AMD1: variants seen among roughly 807,000 people sequenced by gnomAD.
AMD1 encodes the protein S-adenosylmethionine decarboxylase proenzyme.
A neutral mutation model predicts 40.2 loss-of-function variants in AMD1; 11 were observed. The observed-to-expected ratio is 0.27, with a 90% CI of 0.17 to 0.45. The LOEUF (loss-of-function observed/expected upper bound fraction) is 0.45, where lower values mean the gene tolerates loss of function less well. Ranked by LOEUF, AMD1 falls within the 20% of genes least tolerant of loss-of-function variation. AMD1 has a pLI of 1.00. For synonymous variants in AMD1, 121 were observed against 130.8 expected (o/e 0.93, Z 0.51); for missense variants, 257 against 410.2 (o/e 0.63, Z 3.23).
rs1474545141 is a variant in AMD1, at chr6:110,892,821, A to G, written c.702A>G (p.Lys234=). 6.2e-7 allele frequency: 1 copy of G among 1,614,026 alleles called. No individual in the cohort carries two copies. Among genetic ancestry groups the G allele is most frequent in the East Asian group, 2.2e-5 (1 of 44,898 alleles). ...NPCGYSMNGM[K]SDGTYWTIHI... ...GTGGGTATTCGATGAATGGAATGAAATCGGATGTGAGTAGTTATATATTGC... is the reference window on the plus strand; with the variant it reads ...GTGGGTATTCGATGAATGGAATGAAGTCGGATGTGAGTAGTTATATATTGC... The change falls in exon 7 of 9, where the codon AAA becomes AAG. Residue 234 remains lysine, a synonymous_variant. Coordinates refer to ENST00000368885, the MANE Select transcript of AMD1 (RefSeq NM_001634.6).
Position 110,893,520 on chromosome 6 carries a change from A to G in AMD1, c.909A>G (p.Glu303=), listed in dbSNP as rs1483028215. 4 of 1,614,006 alleles carry G rather than the reference A, an allele frequency of 2.5e-6. No individual in the cohort carries two copies. The highest frequency in any genetic ancestry group is 3.4e-6 in the Non-Finnish European group (4 of 1,179,886). ...RTVLASPQKI[E]GFKRLDCQSA... Reference sequence around the variant, plus strand: ...TGCTTGCTTCGCCCCAGAAGATTGAAGGTTTTAAGCGTCTTGATTGCCAGA... The same window carrying G: ...TGCTTGCTTCGCCCCAGAAGATTGAGGGTTTTAAGCGTCTTGATTGCCAGA... Residue 303 remains glutamate (E), a synonymous_variant, in exon 9 of 9, where the codon GAA becomes GAG. Coordinates refer to ENST00000368885, the MANE Select transcript of AMD1 (RefSeq NM_001634.6).
chr6:110,815,279 G>C, the AMD1 span: 1 of 961,082 alleles, frequency 1.0e-6, no homozygotes, highest in South Asian at 2.6e-5. Context: ...CCGCCGCTCC[G>C]CGGTCCGCCT....
At chr6:110,857,654 TG>T in the AMD1 span, among the ~76,000 whole-genome samples, 2 of 140,706 alleles carry the variant, frequency 1.4e-5, no homozygotes, top group Non-Finnish European at 3.1e-5. Context: ...TATATATAGA[TG>T]GTATATATAT....
chr6:110,819,683 C>T, the AMD1 span, among the ~76,000 whole-genome samples: 23,980 of 152,138 alleles, frequency 0.16, 2,097 homozygotes, highest in East Asian at 0.32. Context: ...ACCACAGTGA[C>T]TCCATCTTGA....
rs1785005694 is a variant in AMD1 at position 110,874,810 on chromosome 6, T to C, written c.-296T>C. ...GCTTACACAGTATGGCCGGCGACAT[T>C]AGCTAGCGCTCGCTCTACTCTCTCT... On this transcript the variant is annotated 5_prime_UTR_variant, in exon 1 of 9. Coordinates refer to ENST00000368885, the MANE Select transcript of AMD1 (RefSeq NM_001634.6). 6.5e-6 allele frequency: 2 copies of C among 306,306 alleles called. No individual in the cohort carries two copies. Among genetic ancestry groups the C allele is most frequent in the African/African-American group, 2.2e-5 (1 of 45,622 alleles). The allele number at this position is 306,306 out of a possible 1,614,324, so 19.0% of individuals were successfully genotyped here.
At chr6:110,814,832 C>A in the AMD1 span, 8 of 826,016 alleles carry the variant, frequency 9.7e-6, no homozygotes, top group Non-Finnish European at 1.4e-5. Context: ...GACGGGGCCG[C>A]GCGGGGGAGG....
At chr6:110,848,604 A>G in the AMD1 span, 1 of 558,152 alleles carries the variant, frequency 1.8e-6, no homozygotes, top group Non-Finnish European at 2.9e-6. Context: ...AGGTGCAAAA[A>G]ATAAATCTTC....
At chr6:110,883,712 C>T (rs1785526747) in intron 1 of AMD1, among the ~76,000 whole-genome samples, 1 of 152,122 alleles carries the variant, frequency 6.6e-6, no homozygotes, top group African/African-American at 2.4e-5. Flanking sequence ...CCGCCGCAGC[C>T]ACCCAAGTAG....
chr6:110,820,112 G>A, the AMD1 span, among the ~76,000 whole-genome samples: 1 of 152,132 alleles, frequency 6.6e-6, no homozygotes, highest in African/African-American at 2.4e-5. Context: ...ATAACTGTAA[G>A]TATACTCAGT....
chr6:110,879,132 G>A (rs778677736), intron 1 of AMD1, among the ~76,000 whole-genome samples: 1 of 152,138 alleles, frequency 6.6e-6, no homozygotes, highest in Non-Finnish European at 1.5e-5. Context: ...AGACCAAGGA[G>A]TTTGAGAGCC....
At chr6:110,834,768 C>A in the AMD1 span, among the ~76,000 whole-genome samples, 1 of 151,764 alleles carries the variant, frequency 6.6e-6, no homozygotes, top group Non-Finnish European at 1.5e-5. Flanking sequence ...ACCATCCTGG[C>A]CAACGTGGTG....
At chr6:110,822,920 G>A in the AMD1 span, among the ~76,000 whole-genome samples, 342 of 152,096 alleles carry the variant, frequency 2.2e-3, 1 homozygote, top group African/African-American at 7.9e-3. Flanking sequence ...GTTCAAGACC[G>A]GCCTGACCAA....
At chr6:110,871,730 A>C (rs1021089227), upstream of AMD1, among the ~76,000 whole-genome samples, 1 of 152,152 alleles carries the variant, frequency 6.6e-6, no homozygotes, top group African/African-American at 2.4e-5. Flanking sequence ...CTTTTCTAAT[A>C]ATGTTAGCTT....
At chr6:110,860,630 C>T in the AMD1 span, among the ~76,000 whole-genome samples, 1 of 151,452 alleles carries the variant, frequency 6.6e-6, no homozygotes, top group Non-Finnish European at 1.5e-5. Context: ...GAAACCCCGT[C>T]TCTACTAAAA....
At chr6:110,875,247 G>C (rs777522934) in intron 1 of AMD1, 32 bp downstream of exon 1, 3 of 1,546,266 alleles carry the variant, frequency 1.9e-6, no homozygotes, top group Admixed American at 1.9e-5. Context: ...TGACATCCGG[G>C]CCTGGGGGCT....
chr6:110,868,085 A>T, the AMD1 span, among the ~76,000 whole-genome samples: 2 of 152,044 alleles, frequency 1.3e-5, no homozygotes, highest in African/African-American at 4.8e-5. Context: ...TCCGCCTTCC[A>T]AACTGCTGGA....
the AMD1 span, among the ~76,000 whole-genome samples, chr6:110,832,814 G>GT: frequency 6.6e-6 from 1 of 151,914 alleles, no homozygotes; most frequent in Non-Finnish European, 1.5e-5. Context: ...TCCACTTTTT[G>GT]TTTTTTAGGT....
At chr6:110,840,546 G>A in the AMD1 span, among the ~76,000 whole-genome samples, 4 of 152,198 alleles carry the variant, frequency 2.6e-5, no homozygotes, top group African/African-American at 9.7e-5. Context: ...AGGGCGAGGT[G>A]TGGGGGAAGG....
At chr6:110,848,006 A>T in the AMD1 span, among the ~76,000 whole-genome samples, 1 of 151,394 alleles carries the variant, frequency 6.6e-6, no homozygotes, top group Non-Finnish European at 1.5e-5. Flanking sequence ...GAGCCACCGC[A>T]CCCGGCCAGC....
Sources: gnomAD v4.1 joint callset for allele counts (sites outside exome capture counted in the v4.1 genomes callset) on GRCh38, gnomAD v4.1.1 for gene constraint, MANE v1.5 for transcripts, NCBI Gene and HGNC (gene_info 2026-07-23, HGNC 2026-07-21) for gene names.